The following LIPK variants were observed in gnomAD, a reference collection of about 807,000 sequenced individuals.
LIPK encodes the protein lipase member K.
A neutral mutation model predicts 48.6 loss-of-function variants in LIPK; 32 were observed. The ratio of observed to expected loss-of-function variants is 0.66; its 90% confidence interval spans 0.50 to 0.88. LIPK has a LOEUF of 0.88. Among genes scored for constraint, LIPK ranks in the 40% least tolerant of loss-of-function variants. The pLI is 0.00. For missense variants in LIPK, 507 were observed against 478.5 expected (o/e 1.06, Z -0.56); for synonymous variants, 164 against 157.4 (o/e 1.04, Z -0.32).
At chr10:88,727,107 T>A (rs1842359535) in intron 3 of LIPK, among the ~76,000 whole-genome samples, 195 bp downstream of exon 3, 1 of 152,226 alleles carries the variant, frequency 6.6e-6, no homozygotes, top group South Asian at 2.1e-4. Context: ...ACACTGTTTA[T>A]CTGGTCACTC....
intron 1 of LIPK, among the ~76,000 whole-genome samples, chr10:88,715,366 T>A (rs1842096850): frequency 1.3e-5 from 2 of 152,144 alleles, no homozygotes; most frequent in Admixed American, 1.3e-4. Context: ...TTGACTTTTG[T>A]CTTCTAGATG....
intron 1 of LIPK, among the ~76,000 whole-genome samples, chr10:88,714,818 A>C (rs1017113070): frequency 6.6e-6 from 1 of 151,942 alleles, no homozygotes; most frequent in Non-Finnish European, 1.5e-5. Flanking sequence ...TTTTCCAAGG[A>C]CCAACTTTTG....
intron 9 of LIPK, among the ~76,000 whole-genome samples, chr10:88,747,708 T>C (rs1842789499): frequency 6.6e-6 from 1 of 152,138 alleles, no homozygotes; most frequent in African/African-American, 2.4e-5. Flanking sequence ...CACAATGAGA[T>C]ACCATCTCAT....
At chr10:88,747,402 C>T (rs773232159) in intron 9 of LIPK, among the ~76,000 whole-genome samples, 4 of 152,136 alleles carry the variant, frequency 2.6e-5, no homozygotes, top group Non-Finnish European at 5.9e-5. Flanking sequence ...AGCAACACAT[C>T]AAAAAGCTAG....
At chr10:88,708,294 T>C (rs987942844) in intron 1 of LIPK, among the ~76,000 whole-genome samples, 1 of 152,082 alleles carries the variant, frequency 6.6e-6, no homozygotes, top group Non-Finnish European at 1.5e-5. Flanking sequence ...TTCAAGCTAA[T>C]AAATTCATCA....
chr10:88,744,112 G>A (rs1381396884), intron 9 of LIPK, among the ~76,000 whole-genome samples: 1 of 152,170 alleles, frequency 6.6e-6, no homozygotes, highest in Non-Finnish European at 1.5e-5. Context: ...ACGGGACAGG[G>A]CCAGTGTAAT....
At chr10:88,727,334 T>A (rs1769692) in intron 3 of LIPK, among the ~76,000 whole-genome samples, 118,251 of 152,202 alleles carry the variant, frequency 0.78, 46,935 homozygotes, top group East Asian at 1. Context: ...TTCAATAATC[T>A]TTCAAATCCA....
intron 1 of LIPK, among the ~76,000 whole-genome samples, chr10:88,708,084 T>C (rs562786952): frequency 1.3e-5 from 2 of 152,118 alleles, no homozygotes; most frequent in Non-Finnish European, 2.9e-5. Flanking sequence ...AACCCAGTCA[T>C]TTGTATGGCT....
rs374421005 is a variant in LIPK, at chr10:88,742,117, AACTC to A, written c.889-1125_889-1122del. On this transcript the variant is annotated intron_variant, in intron 8 of 9. Coordinates refer to ENST00000404190, the MANE Select transcript of LIPK (RefSeq NM_001080518.2). ...CTTTCAAACAACCAGATCTTGTGAG[AACTC>A]ACTCACTATCAGGAGAACAGCAAAG... 8.9e-4 allele frequency among the ~76,000 whole-genome samples: 136 copies of A among 152,292 alleles called. 1 individual carries two copies. The East Asian group carries it at 0.014, about 15-fold the overall frequency.
Position 88,732,274 on chromosome 10 carries a change from A to G in LIPK, c.519A>G (p.Gln173=), listed in dbSNP as rs770194024. 119 of 1,613,610 alleles carry G rather than the reference A, an allele frequency of 7.4e-5. 1 individual carries two copies. In the South Asian group the frequency reaches 8.5e-4, roughly 11 times the overall value. The stretch of plus-strand genomic sequence containing the variant: ...GACTCTACTACGTGGGCCACTCACA[A>G]GGCACCACCATAGGTGTGTTTGGGG... ...QKRLYYVGHS[Q]GTTIAFIAFS... is the part of the protein sequence containing the mutation. The change falls in exon 5 of 10, where the codon CAA becomes CAG. Residue 173 remains glutamine, a synonymous_variant. Coordinates refer to ENST00000404190, the MANE Select transcript of LIPK (RefSeq NM_001080518.2).
chr10:88,719,244 C>A (rs1454198898), intron 1 of LIPK, among the ~76,000 whole-genome samples: 1 of 152,186 alleles, frequency 6.6e-6, no homozygotes, highest in South Asian at 2.1e-4. Flanking sequence ...GCCAACCCTA[C>A]ACGTAGGTGT....
intron 6 of LIPK, among the ~76,000 whole-genome samples, chr10:88,734,817 T>A (rs391260): frequency 0.22 from 33,129 of 152,092 alleles, 3,790 homozygotes; most frequent in East Asian, 0.36. Flanking sequence ...GATATGACAA[T>A]GAAATGATAG....
chr10:88,709,543 T>C (rs1215300414), intron 1 of LIPK, among the ~76,000 whole-genome samples: 1 of 152,132 alleles, frequency 6.6e-6, no homozygotes, highest in Non-Finnish European at 1.5e-5. Context: ...TTTTTGTTCC[T>C]GTTAGCTGGC....
chr10:88,734,863 C>G (rs1261115005), intron 6 of LIPK, among the ~76,000 whole-genome samples: 1 of 152,156 alleles, frequency 6.6e-6, no homozygotes, highest in Admixed American at 6.5e-5. Context: ...TTTTGAGGAA[C>G]GGGCTTTCTT....
chr10:88,725,385 A>G (rs989572956), intron 2 of LIPK, among the ~76,000 whole-genome samples: 4 of 152,178 alleles, frequency 2.6e-5, no homozygotes, highest in Non-Finnish European at 5.9e-5. Context: ...TTCTATAATG[A>G]TAAGAACAAT....
intron 9 of LIPK, among the ~76,000 whole-genome samples, chr10:88,748,007 G>C (rs1220860178): frequency 2.6e-5 from 4 of 152,054 alleles, no homozygotes; most frequent in African/African-American, 9.7e-5. Context: ...GGAACCAACG[G>C]AAATGCCCAT....
chr10:88,728,970 T>C (rs442607), intron 3 of LIPK: 122,775 of 159,226 alleles, frequency 0.77, 48,378 homozygotes, highest in East Asian at 0.99. Context: ...TCCCACATCC[T>C]GCTGGGGAGG....
chr10:88,707,496 A>T (rs1278446084), intron 1 of LIPK, among the ~76,000 whole-genome samples: 1 of 152,112 alleles, frequency 6.6e-6, no homozygotes, highest in East Asian at 1.9e-4. Flanking sequence ...TTTGTCCTTC[A>T]TATTATCGAA....
intron 3 of LIPK, among the ~76,000 whole-genome samples, chr10:88,730,606 A>ATT (rs1842445439): frequency 2.0e-5 from 3 of 152,126 alleles, no homozygotes; most frequent in African/African-American, 7.2e-5. Flanking sequence ...AGCCTTTTAC[A>ATT]TGTTTTAGTT....
Sources: allele counts gnomAD v4.1 joint callset (sites outside exome capture counted in the v4.1 genomes callset), GRCh38; gene constraint gnomAD v4.1.1; transcripts MANE v1.5; gene names NCBI Gene and HGNC (gene_info 2026-07-23, HGNC 2026-07-21).